Variants in KCNQ5 observed in about 807,000 individuals in gnomAD.
The protein encoded by KCNQ5 is potassium voltage-gated channel subfamily KQT member 5.
In KCNQ5, 30 loss-of-function variants were observed where a neutral mutation model predicts 98.2. That is an observed-to-expected ratio of 0.31 (90% CI 0.23 to 0.41). The LOEUF is 0.41. Among genes scored for constraint, KCNQ5 ranks in the 10% least tolerant of loss-of-function variants. KCNQ5 has a pLI of 1.00. For missense variants in KCNQ5, 835 were observed against 1,182.5 expected (o/e 0.71, Z 4.31); for synonymous variants, 458 against 449.4 (o/e 1.02, Z -0.24).
At chr6:72,651,975 A>G (rs1193709373) in intron 1 of KCNQ5, among the ~76,000 whole-genome samples, 1 of 152,024 alleles carries the variant, frequency 6.6e-6, no homozygotes, top group Non-Finnish European at 1.5e-5. Flanking sequence ...TGAATTACAG[A>G]TTTCTTTTTT....
chr6:73,002,455 C>A (rs1485993747), intron 1 of KCNQ5, among the ~76,000 whole-genome samples: 1 of 152,030 alleles, frequency 6.6e-6, no homozygotes, highest in East Asian at 1.9e-4. Context: ...AATTTTATTC[C>A]ATAAATTTCT....
chr6:73,118,292 C>G (rs1775592358), intron 7 of KCNQ5, among the ~76,000 whole-genome samples: 1 of 152,172 alleles, frequency 6.6e-6, no homozygotes. Context: ...TCTTCTTTTT[C>G]TCACTCAACG....
At chr6:73,040,976 T>G (rs1771660381) in intron 2 of KCNQ5, among the ~76,000 whole-genome samples, 1 of 152,234 alleles carries the variant, frequency 6.6e-6, no homozygotes, top group African/African-American at 2.4e-5. Flanking sequence ...CTTTTACAAT[T>G]AAGCTATTAT....
intron 1 of KCNQ5, among the ~76,000 whole-genome samples, chr6:72,789,245 C>A (rs1185237352): frequency 3.9e-5 from 6 of 152,120 alleles, no homozygotes; most frequent in African/African-American, 1.4e-4. Flanking sequence ...GCAACCTCCG[C>A]CTCTAGGTTC....
intron 1 of KCNQ5, among the ~76,000 whole-genome samples, chr6:72,628,876 G>T (rs1453195362): frequency 6.6e-6 from 1 of 152,086 alleles, no homozygotes; most frequent in Admixed American, 6.6e-5. Context: ...GCCTCCCAAA[G>T]TGCTGGGATT....
intron 3 of KCNQ5, among the ~76,000 whole-genome samples, chr6:73,063,082 G>T (rs1328856089): frequency 6.6e-6 from 1 of 152,128 alleles, no homozygotes; most frequent in African/African-American, 2.4e-5. Context: ...TTTAGTTAAT[G>T]GGAAAATATC....
intron 1 of KCNQ5, among the ~76,000 whole-genome samples, chr6:72,964,029 G>A (rs77635480): frequency 0.089 from 13,611 of 152,088 alleles, 1,180 homozygotes; most frequent in African/African-American, 0.23. Context: ...TCAGTGCCTT[G>A]TTTGAGGTCT....
intron 2 of KCNQ5, among the ~76,000 whole-genome samples, chr6:73,040,868 C>T (rs1401904197): frequency 2.0e-5 from 3 of 152,044 alleles, no homozygotes; most frequent in African/African-American, 7.2e-5. Context: ...TTTTATCCTG[C>T]GAGTAAGAAT....
At chr6:72,918,091 C>T (rs867894245) in intron 1 of KCNQ5, among the ~76,000 whole-genome samples, 7 of 152,110 alleles carry the variant, frequency 4.6e-5, no homozygotes, top group Admixed American at 1.3e-4. Context: ...GGGGAACAGA[C>T]TGTATGCAGC....
intron 1 of KCNQ5, among the ~76,000 whole-genome samples, chr6:72,677,475 T>G (rs1383335100): frequency 6.6e-6 from 1 of 152,204 alleles, no homozygotes; most frequent in Non-Finnish European, 1.5e-5. Context: ...AAATTTACCT[T>G]GAAATGTTAT....
At chr6:72,663,165 A>T (rs996965635) in intron 1 of KCNQ5, among the ~76,000 whole-genome samples, 1 of 152,140 alleles carries the variant, frequency 6.6e-6, no homozygotes, top group Non-Finnish European at 1.5e-5. Flanking sequence ...AAGGGATAGC[A>T]TTAGTAGAAA....
At chr6:72,973,792 T>G (rs1768021508) in intron 1 of KCNQ5, among the ~76,000 whole-genome samples, 1 of 152,238 alleles carries the variant, frequency 6.6e-6, no homozygotes, top group Non-Finnish European at 1.5e-5. Context: ...TGCAAAATAG[T>G]ATTGGGAACT....
chr6:72,738,016 G>A (rs1173436163), intron 1 of KCNQ5, among the ~76,000 whole-genome samples: 1 of 149,628 alleles, frequency 6.7e-6, no homozygotes, highest in Non-Finnish European at 1.5e-5. Flanking sequence ...TTAGCCGGGC[G>A]TGGTGGCGGG....
chr6:72,780,261 T>C (rs1464013962), intron 1 of KCNQ5, among the ~76,000 whole-genome samples: 4 of 152,228 alleles, frequency 2.6e-5, no homozygotes, highest in African/African-American at 7.2e-5. Context: ...CCAAGCCATA[T>C]GTTATTTTCC....
chr6:72,728,360 G>A (rs1770391588), intron 1 of KCNQ5, among the ~76,000 whole-genome samples: 1 of 152,058 alleles, frequency 6.6e-6, no homozygotes, highest in African/African-American at 2.4e-5. Flanking sequence ...ACCTGTTCCA[G>A]ATGCAGTTCT....
intron 1 of KCNQ5, among the ~76,000 whole-genome samples, chr6:72,670,031 A>C (rs1180235447): frequency 6.6e-6 from 1 of 151,582 alleles, no homozygotes; most frequent in East Asian, 1.9e-4. Context: ...TTTGACTATA[A>C]GCAGTGAGAA....
intron 1 of KCNQ5, among the ~76,000 whole-genome samples, chr6:72,997,101 G>C (rs1769339266): frequency 6.6e-6 from 1 of 152,162 alleles, no homozygotes; most frequent in South Asian, 2.1e-4. Context: ...AAAATGATGG[G>C]AGGGTCCTGG....
intron 1 of KCNQ5, among the ~76,000 whole-genome samples, chr6:72,771,357 T>C (rs1772866500): frequency 6.6e-6 from 1 of 152,152 alleles, no homozygotes; most frequent in Non-Finnish European, 1.5e-5. Flanking sequence ...ACTTGAAGAA[T>C]GGGAGGATGT....
Position 72,666,926 on chromosome 6 carries a change from T to A in KCNQ5, c.398+44339T>A, listed in dbSNP as rs1448941193. Among the ~76,000 whole-genome samples, 6 of 152,368 alleles carry A rather than the reference T, an allele frequency of 3.9e-5. No individual in the cohort carries two copies. In the East Asian group the frequency reaches 1.2e-3, roughly 29 times the overall value. On this transcript the variant is annotated intron_variant, in intron 1 of 13. Transcript: ENST00000370398. ...TCTTTTACAATTACATGTTCCATTGTTTATAGATATACTACAATAAACATT... is the reference window on the plus strand; with the variant it reads ...TCTTTTACAATTACATGTTCCATTGATTATAGATATACTACAATAAACATT...
Sources: allele counts gnomAD v4.1 joint callset (sites outside exome capture counted in the v4.1 genomes callset), GRCh38; gene constraint gnomAD v4.1.1; transcripts MANE v1.5; gene names NCBI Gene and HGNC (gene_info 2026-07-23, HGNC 2026-07-21).